The following ANO4 variants were observed in gnomAD, a reference collection of about 807,000 sequenced individuals.
ANO4 encodes the protein anoctamin 4.
In ANO4, 69 loss-of-function variants were observed where a neutral mutation model predicts 141.9. That is an observed-to-expected ratio of 0.49 (90% confidence interval 0.40 to 0.59). The LOEUF (loss-of-function observed/expected upper bound fraction) is 0.59. Among genes scored for constraint, ANO4 ranks in the 20% least tolerant of loss-of-function variants. The pLI, the probability that ANO4 is intolerant of heterozygous loss-of-function variation, is 0.00. For missense variants in ANO4, 894 were observed against 1,162.2 expected (o/e 0.77, Z 3.36); for synonymous variants, 350 against 394.3 (o/e 0.89, Z 1.33).
At chr12:101,069,446 G>T (rs2048721775) in intron 14 of ANO4, among the ~76,000 whole-genome samples, 1 of 152,146 alleles carries the variant, frequency 6.6e-6, no homozygotes, top group Non-Finnish European at 1.5e-5. Context: ...TTTTCCTTGT[G>T]CATTTAATAC....
chr12:100,785,251 C>T (rs2135592108), intron 3 of ANO4, among the ~76,000 whole-genome samples: 1 of 152,272 alleles, frequency 6.6e-6, no homozygotes, highest in South Asian at 2.1e-4. Flanking sequence ...ACATTATTAT[C>T]ACCCAAAGTC....
At chr12:101,037,908 T>A (rs1221068372) in intron 10 of ANO4, among the ~76,000 whole-genome samples, 1 of 152,224 alleles carries the variant, frequency 6.6e-6, no homozygotes, top group Non-Finnish European at 1.5e-5. Flanking sequence ...CAGCAACTGT[T>A]AGCTGATGTT....
chr12:100,888,540 A>C (rs1301348917), intron 1 of ANO4, among the ~76,000 whole-genome samples: 2 of 152,252 alleles, frequency 1.3e-5, no homozygotes, highest in Admixed American at 6.5e-5. Context: ...ACAAGTATTC[A>C]CACAGGAAGG....
At chr12:100,833,850 G>T (rs2135782950) in intron 1 of ANO4, among the ~76,000 whole-genome samples, 1 of 152,096 alleles carries the variant, frequency 6.6e-6, no homozygotes, top group East Asian at 1.9e-4. Context: ...GGACCCCATG[G>T]GACTTGCATT....
intron 3 of ANO4, among the ~76,000 whole-genome samples, chr12:100,935,605 A>G (rs1219522058): frequency 6.6e-6 from 1 of 152,190 alleles, no homozygotes; most frequent in East Asian, 1.9e-4. Context: ...TTGGATGAAC[A>G]GCATCTTTGT....
rs1244974032 is a variant in ANO4, at chr12:101,116,705, G to T, written c.2477G>T (p.Ser826Ile). 1 of 1,614,146 alleles carries T rather than the reference G, an allele frequency of 6.2e-7. No individual in the cohort carries two copies. Among genetic ancestry groups the T allele is most frequent in the South Asian group, 1.1e-5 (1 of 91,074 alleles). ...QKCMVGYVNA[S>I]LSVFRISDFE... ...TGCATGGTTGGCTATGTGAATGCCAGCTTGTCTGTATTTCGAATTTCTGAC... is the reference window on the plus strand; with the variant it reads ...TGCATGGTTGGCTATGTGAATGCCATCTTGTCTGTATTTCGAATTTCTGAC... Residue 826 changes from serine (S) to isoleucine (I), a missense_variant, in exon 25 of 28, where the codon AGC (serine) becomes ATC (isoleucine). Coordinates refer to ENST00000392977, the MANE Select transcript of ANO4 (RefSeq NM_001286615.2).
At chr12:101,044,315 A>G (rs2047536914) in intron 13 of ANO4, among the ~76,000 whole-genome samples, 1 of 152,246 alleles carries the variant, frequency 6.6e-6, no homozygotes. Flanking sequence ...TGAAAGTGCT[A>G]TGAGAAAAAA....
chr12:101,064,336 T>A (rs1018936747), intron 14 of ANO4, among the ~76,000 whole-genome samples: 1 of 152,234 alleles, frequency 6.6e-6, no homozygotes, highest in Admixed American at 6.5e-5. Flanking sequence ...CCACTTGCTG[T>A]TAGTTTCTAA....
At chr12:100,814,339 T>C (rs940101796) in intron 1 of ANO4, among the ~76,000 whole-genome samples, 2 of 152,174 alleles carry the variant, frequency 1.3e-5, no homozygotes, top group Admixed American at 6.6e-5. Context: ...TAGAACATTT[T>C]TGTCACCCCA....
intron 5 of ANO4, among the ~76,000 whole-genome samples, chr12:100,967,041 T>C (rs1005372778): frequency 3.9e-5 from 6 of 151,998 alleles, no homozygotes; most frequent in African/African-American, 1.2e-4. Flanking sequence ...ATTTATTAAA[T>C]AGAAGGTTTT....
At chr12:100,956,241 G>A (rs188132938) in intron 5 of ANO4, among the ~76,000 whole-genome samples, 68 of 152,220 alleles carry the variant, frequency 4.5e-4, no homozygotes, top group African/African-American at 1.4e-3. Flanking sequence ...TAAACAAACT[G>A]TACCAGCCAT....
intron 1 of ANO4, among the ~76,000 whole-genome samples, chr12:100,874,432 C>A (rs1394692738): frequency 6.6e-6 from 1 of 152,250 alleles, no homozygotes; most frequent in African/African-American, 2.4e-5. Context: ...CTGCCTAAGG[C>A]CTTGGGAGCC....
intron 2 of ANO4, among the ~76,000 whole-genome samples, chr12:100,910,644 A>G (rs2041060658): frequency 6.6e-6 from 1 of 152,170 alleles, no homozygotes; most frequent in South Asian, 2.1e-4. Context: ...TTGAAACTAT[A>G]AAGCTTAGTG....
At chr12:101,023,391 C>T (rs938051663) in intron 9 of ANO4, among the ~76,000 whole-genome samples, 1 of 152,134 alleles carries the variant, frequency 6.6e-6, no homozygotes, top group Non-Finnish European at 1.5e-5. Flanking sequence ...TGGTAATAGG[C>T]CAGGCACATT....
At chr12:100,912,392 C>CAAAAAAAAAAAAAAA (rs35934592) in intron 2 of ANO4, among the ~76,000 whole-genome samples, 1 of 67,358 alleles carries the variant, frequency 1.5e-5, no homozygotes, top group African/African-American at 5.5e-5. Context: ...AGGACTCTGT[C>CAAAAAAAAAAAAAAA]AAAAAAAAAA....
At chr12:101,082,852 C>G (rs1029229912) in intron 15 of ANO4, among the ~76,000 whole-genome samples, 1 of 152,222 alleles carries the variant, frequency 6.6e-6, no homozygotes, top group Non-Finnish European at 1.5e-5. Flanking sequence ...AGCAGAGTTT[C>G]TGCTCATTTG....
chr12:101,099,148 T>A (rs2050097110), intron 21 of ANO4, among the ~76,000 whole-genome samples: 5 of 152,154 alleles, frequency 3.3e-5, no homozygotes. Context: ...TTTTGTGGGT[T>A]TGCAGATCTT....
intron 1 of ANO4, among the ~76,000 whole-genome samples, chr12:100,728,806 T>G (rs1483962917): frequency 6.6e-6 from 1 of 152,198 alleles, no homozygotes; most frequent in Non-Finnish European, 1.5e-5. Context: ...ACTTCTCTAT[T>G]TCTTTAAAAA....
chr12:101,104,627 G>GTGTATATATATATATA (rs1297866922), intron 22 of ANO4, among the ~76,000 whole-genome samples: 2 of 62,062 alleles, frequency 3.2e-5, no homozygotes, highest in African/African-American at 1.6e-4. Flanking sequence ...ATGTATGTGT[G>GTGTATATATATATATA]TATATATATA....
Sources: gnomAD v4.1 joint callset for allele counts (sites outside exome capture counted in the v4.1 genomes callset) on GRCh38, gnomAD v4.1.1 for gene constraint, MANE v1.5 for transcripts, NCBI Gene and HGNC (gene_info 2026-07-23, HGNC 2026-07-21) for gene names.